The following CDC14B variants were observed in gnomAD, a reference collection of about 807,000 sequenced individuals.
CDC14B encodes the protein dual specificity protein phosphatase CDC14B.
Under a neutral mutation model 64.2 loss-of-function variants are expected in CDC14B, and 22 were observed. The observed-to-expected ratio is 0.34, with a 90% confidence interval of 0.24 to 0.49. The LOEUF (loss-of-function observed/expected upper bound fraction) is 0.49, where lower values mean the gene tolerates loss of function less well. Among genes scored for constraint, CDC14B ranks in the 20% least tolerant of loss-of-function variants. The pLI is 0.99. For missense variants in CDC14B, 498 were observed against 629.9 expected (o/e 0.79, Z 2.24); for synonymous variants, 191 against 215.8 (o/e 0.89, Z 1.01).
intron 13 of CDC14B, among the ~76,000 whole-genome samples, chr9:96,495,052 G>T (rs867991791): frequency 2.7e-4 from 41 of 151,604 alleles, no homozygotes; most frequent in South Asian, 8.4e-4. Context: ...GCCAGGATGG[G>T]CTCGATCTCC....
chr9:96,607,325 C>A (rs1847016317), intron 1 of CDC14B, among the ~76,000 whole-genome samples: 2 of 150,958 alleles, frequency 1.3e-5, no homozygotes. Context: ...CCTTTTCCTG[C>A]CTTCCTCAGT....
At chr9:96,582,872 A>G (rs1001227032) in intron 1 of CDC14B, among the ~76,000 whole-genome samples, 1 of 152,128 alleles carries the variant, frequency 6.6e-6, no homozygotes, top group Non-Finnish European at 1.5e-5. Flanking sequence ...AATTCCTCTT[A>G]CTAATTTTAT....
At chr9:96,571,199 C>T (rs1424883815) in intron 1 of CDC14B, among the ~76,000 whole-genome samples, 8 of 147,216 alleles carry the variant, frequency 5.4e-5, no homozygotes, top group South Asian at 2.1e-4. Flanking sequence ...TTTTTTGAGA[C>T]GGAGTCTCGC....
chr9:96,514,584 AAGTACCAG>A, intron 12 of CDC14B: 1 of 985,440 alleles, frequency 1.0e-6, no homozygotes, highest in Non-Finnish European at 1.2e-6. Flanking sequence ...TGAAACCACA[AAGTACCAG>A]AGTTGGTTGC....
intron 1 of CDC14B, among the ~76,000 whole-genome samples, chr9:96,578,992 A>AT (rs201238025): frequency 0.043 from 6,459 of 151,692 alleles, 484 homozygotes; most frequent in African/African-American, 0.15. Flanking sequence ...TAATTTTTCT[A>AT]TTTTTAGTAG....
intron 4 of CDC14B, among the ~76,000 whole-genome samples, chr9:96,559,225 C>G (rs556023722): frequency 6.6e-5 from 10 of 152,328 alleles, no homozygotes; most frequent in Admixed American, 3.3e-4. Context: ...TTAGGTCTTT[C>G]TGTGTATACA....
At chr9:96,546,772 T>C (rs1437148466) in intron 5 of CDC14B, among the ~76,000 whole-genome samples, 2 of 151,592 alleles carry the variant, frequency 1.3e-5, no homozygotes, top group Non-Finnish European at 2.9e-5. Context: ...TTTAAACATG[T>C]AGGTAAATGG....
downstream of CDC14B, among the ~76,000 whole-genome samples, chr9:96,496,732 C>T (rs931399056): frequency 6.6e-6 from 1 of 152,268 alleles, no homozygotes; most frequent in Non-Finnish European, 1.5e-5. Context: ...GTGCAGCGGA[C>T]CCGCTCCCGG....
chr9:96,584,052 T>C (rs1231257283), intron 1 of CDC14B, among the ~76,000 whole-genome samples: 1 of 152,184 alleles, frequency 6.6e-6, no homozygotes, highest in Non-Finnish European at 1.5e-5. Flanking sequence ...GAACCAACTA[T>C]AAGCATGACA....
At chr9:96,525,015 A>C (rs1433488968) in intron 9 of CDC14B, among the ~76,000 whole-genome samples, 1 of 152,220 alleles carries the variant, frequency 6.6e-6, no homozygotes, top group Non-Finnish European at 1.5e-5. Flanking sequence ...TGTTGAAGAT[A>C]CAACCTGGTT....
At chr9:96,512,927 C>A (rs1438374825) in intron 12 of CDC14B, among the ~76,000 whole-genome samples, 2 of 151,866 alleles carry the variant, frequency 1.3e-5, no homozygotes, top group African/African-American at 2.4e-5. Flanking sequence ...AATCACACTG[C>A]AAAATAATTA....
At chr9:96,592,795 G>C (rs923319052) in intron 1 of CDC14B, among the ~76,000 whole-genome samples, 1 of 151,826 alleles carries the variant, frequency 6.6e-6, no homozygotes, top group African/African-American at 2.4e-5. Context: ...CAAAAAAACA[G>C]GTTGCTAAAC....
intron 6 of CDC14B, among the ~76,000 whole-genome samples, chr9:96,540,417 G>A (rs984729984): frequency 6.6e-6 from 1 of 152,072 alleles, no homozygotes; most frequent in Non-Finnish European, 1.5e-5. Flanking sequence ...TGGATCGCTT[G>A]AGCTCAGGAG....
Position 96,619,452 on chromosome 9 carries a change from A to G in CDC14B, c.-74T>C. ...CCGCGCGCCCGCCGAGGCTCCCGCC[A>G]GCCCCGCGCGGGCGCTCGGGGCGGC... On this transcript the variant is annotated 5_prime_UTR_variant, in exon 1 of 14. Transcript: ENST00000375241. The G allele has an allele frequency of 1.1e-6, 1 of 908,432 alleles. No individual in the cohort carries two copies. Among genetic ancestry groups the G allele is most frequent in the Non-Finnish European group, 1.3e-6 (1 of 760,646 alleles). 56.3% of individuals were successfully genotyped at this position (908,432 alleles called of 1,614,324 possible). A position where few individuals can be genotyped will look rare whatever the true frequency, so the allele number is the denominator to read the frequency against.
chr9:96,563,248 G>A (rs1210696673), intron 3 of CDC14B, among the ~76,000 whole-genome samples: 15 of 152,154 alleles, frequency 9.9e-5, no homozygotes, highest in East Asian at 1.9e-4. Context: ...ATGGGGTGCC[G>A]CCAGTGCACT....
intron 1 of CDC14B, among the ~76,000 whole-genome samples, chr9:96,603,992 G>A (rs374515270): frequency 2.8e-4 from 43 of 152,156 alleles, no homozygotes; most frequent in African/African-American, 1.0e-3. Flanking sequence ...TCCCTTATTC[G>A]AAATAAAAGA....
intron 1 of CDC14B, chr9:96,566,863 C>G: frequency 1.3e-6 from 2 of 1,580,752 alleles, no homozygotes; most frequent in Non-Finnish European, 8.6e-7. Context: ...GACTGCCAGC[C>G]GCCGAGAGGG....
intron 5 of CDC14B, among the ~76,000 whole-genome samples, chr9:96,547,542 C>G (rs1051235411): frequency 6.6e-6 from 1 of 152,026 alleles, no homozygotes; most frequent in Non-Finnish European, 1.5e-5. Context: ...TCACTGAAGC[C>G]TCCTAGGCTT....
At chr9:96,569,595 A>G (rs1357094154) in intron 1 of CDC14B, among the ~76,000 whole-genome samples, 1 of 152,124 alleles carries the variant, frequency 6.6e-6, no homozygotes, top group Non-Finnish European at 1.5e-5. Context: ...GTTGAGGGCC[A>G]TTTATTAGGA....
Sources: gnomAD v4.1 joint callset for allele counts (sites outside exome capture counted in the v4.1 genomes callset) on GRCh38, gnomAD v4.1.1 for gene constraint, MANE v1.5 for transcripts, NCBI Gene and HGNC (gene_info 2026-07-23, HGNC 2026-07-21) for gene names.